Variants in VEPH1 observed in about 807,000 individuals in gnomAD.
VEPH1 encodes ventricular zone-expressed PH domain-containing protein homolog 1.
A neutral mutation model predicts 85.2 loss-of-function variants in VEPH1; 80 were observed. The ratio of observed to expected loss-of-function variants is 0.94; its 90% CI spans 0.78 to 1.13. The LOEUF (loss-of-function observed/expected upper bound fraction) is 1.13. Among genes scored for constraint, VEPH1 ranks in the 50% most tolerant of loss-of-function variants. The pLI is 0.00. For missense variants in VEPH1, 955 were observed against 980.5 expected (o/e 0.97, Z 0.35); for synonymous variants, 297 against 348.0 (o/e 0.85, Z 1.63).
At chr3:157,366,441 G>T (rs1471072537) in intron 7 of VEPH1, among the ~76,000 whole-genome samples, 1 of 151,968 alleles carries the variant, frequency 6.6e-6, no homozygotes, top group Non-Finnish European at 1.5e-5. Context: ...GAAAAAGAAA[G>T]AAAGAAAGCA....
At chr3:157,283,640 A>G (rs1258694199) in intron 12 of VEPH1, among the ~76,000 whole-genome samples, 1 of 151,522 alleles carries the variant, frequency 6.6e-6, no homozygotes, top group African/African-American at 2.4e-5. Flanking sequence ...GATACTGTCA[A>G]TTTCTGAAGG....
In VEPH1 at chr3:157,370,381, A is replaced by T. The variant is rs139659081; in HGVS notation, c.1128-5869T>A. ...CTTGGCCTACAATTCCATGTCCAGG[A>T]TATGTACTCCTGCAGAGTTAAGCTT... On this transcript the variant is annotated intron_variant, in intron 7 of 13. Transcript: ENST00000362010. Among the ~76,000 whole-genome samples the T allele has an allele frequency of 3.9e-5, 6 of 152,318 alleles. No individual in the cohort carries two copies. The East Asian group carries it at 1.2e-3, about 29-fold the overall frequency.
intron 9 of VEPH1, among the ~76,000 whole-genome samples, chr3:157,336,570 C>T (rs761532320): frequency 2.6e-5 from 4 of 152,298 alleles, no homozygotes; most frequent in South Asian, 4.1e-4. Flanking sequence ...TTCCCCTAAG[C>T]GTATACCTTT....
chr3:157,360,399 G>A (rs1482503346), intron 9 of VEPH1, among the ~76,000 whole-genome samples: 1 of 152,018 alleles, frequency 6.6e-6, no homozygotes, highest in Non-Finnish European at 1.5e-5. Flanking sequence ...GGTTATCTAG[G>A]TCATCCCTGG....
chr3:157,305,318 G>A (rs1002017095), intron 11 of VEPH1, among the ~76,000 whole-genome samples: 1 of 151,340 alleles, frequency 6.6e-6, no homozygotes, highest in Non-Finnish European at 1.5e-5. Context: ...ACCGTTTTTA[G>A]CCGGGATGGT....
chr3:157,383,910 C>A (rs373565741), intron 6 of VEPH1, among the ~76,000 whole-genome samples: 2 of 151,886 alleles, frequency 1.3e-5, no homozygotes, highest in East Asian at 1.9e-4. Context: ...GCAACATAGA[C>A]TCATTTATTA....
chr3:157,356,838 A>C (rs1201533829), intron 9 of VEPH1, among the ~76,000 whole-genome samples: 1 of 152,200 alleles, frequency 6.6e-6, no homozygotes, highest in Non-Finnish European at 1.5e-5. Flanking sequence ...CTGGATTGGA[A>C]TGTACTCTTC....
intron 5 of VEPH1, among the ~76,000 whole-genome samples, chr3:157,417,749 G>C (rs1238938938): frequency 6.6e-6 from 1 of 152,100 alleles, no homozygotes; most frequent in African/African-American, 2.4e-5. Context: ...AACAAATGCA[G>C]GACCTGACAC....
rs1376296367 is a variant in VEPH1, at chr3:157,290,243, C to CA, written c.2011-3570dup. ...TTCAAAGTCATCAGTCCTACAACTG[C>CA]AAAAAAATGATTCTTGCCAACAAAC... On this transcript the variant is annotated intron_variant, in intron 11 of 13. Transcript: ENST00000362010. Among the ~76,000 whole-genome samples, 4 of 152,010 alleles carry CA rather than the reference C, an allele frequency of 2.6e-5. 1 individual carries two copies. The highest frequency in any genetic ancestry group is 4.1e-4 in the South Asian group (2 of 4,826).
At chr3:157,477,217 C>T (rs1023441150) in intron 2 of VEPH1, among the ~76,000 whole-genome samples, 52 of 150,474 alleles carry the variant, frequency 3.5e-4, no homozygotes, top group South Asian at 2.1e-4. Context: ...TCTGTTCTAG[C>T]TTCTAGAGGC....
At chr3:157,326,570 G>C (rs1278840901) in intron 9 of VEPH1, among the ~76,000 whole-genome samples, 1 of 152,170 alleles carries the variant, frequency 6.6e-6, no homozygotes, top group Non-Finnish European at 1.5e-5. Context: ...TATGAAGAGG[G>C]TGACAGCTTG....
At chr3:157,425,938 T>G (rs1343922400) in intron 5 of VEPH1, among the ~76,000 whole-genome samples, 1 of 152,128 alleles carries the variant, frequency 6.6e-6, no homozygotes, top group Non-Finnish European at 1.5e-5. Flanking sequence ...ATGAGGGTGG[T>G]TTCTCCCATA....
intron 11 of VEPH1, among the ~76,000 whole-genome samples, chr3:157,308,576 C>G (rs1719767108): frequency 2.0e-5 from 3 of 150,666 alleles, no homozygotes; most frequent in Admixed American, 2.0e-4. Context: ...TTTTTTTGCC[C>G]CTCTCAAAAA....
chr3:157,500,943 G>A (rs1035897288), intron 1 of VEPH1, among the ~76,000 whole-genome samples: 2 of 152,106 alleles, frequency 1.3e-5, no homozygotes, highest in African/African-American at 4.8e-5. Flanking sequence ...ATGGGTTGTT[G>A]GGAGGTTTAA....
intron 6 of VEPH1, among the ~76,000 whole-genome samples, chr3:157,386,300 T>TAAC (rs1729294609): frequency 1.2e-5 from 1 of 86,382 alleles, no homozygotes; most frequent in African/African-American, 4.8e-5. Flanking sequence ...CATAGGCAAA[T>TAAC]AACACAAGGT....
intron 11 of VEPH1, among the ~76,000 whole-genome samples, chr3:157,307,094 A>G (rs1467292173): frequency 1.1e-4 from 16 of 152,046 alleles, no homozygotes; most frequent in Non-Finnish European, 1.8e-4. Flanking sequence ...TCTTGTATTT[A>G]AGCATTTTTA....
chr3:157,456,998 T>A (rs1467964752), intron 4 of VEPH1, among the ~76,000 whole-genome samples: 1 of 152,214 alleles, frequency 6.6e-6, no homozygotes, highest in Non-Finnish European at 1.5e-5. Context: ...TTTCCTCCTA[T>A]CCATGAGTAT....
At chr3:157,457,036 T>G (rs1354029394) in intron 4 of VEPH1, among the ~76,000 whole-genome samples, 1 of 152,218 alleles carries the variant, frequency 6.6e-6, no homozygotes, top group African/African-American at 2.4e-5. Flanking sequence ...GTTTGTGTCA[T>G]CTCTGACTTC....
intron 5 of VEPH1, among the ~76,000 whole-genome samples, chr3:157,414,906 T>C (rs1731784406): frequency 6.6e-6 from 1 of 152,180 alleles, no homozygotes; most frequent in Non-Finnish European, 1.5e-5. Context: ...ATTTACTTTA[T>C]TGATTTGTCA....
Sources: allele counts gnomAD v4.1 joint callset (sites outside exome capture counted in the v4.1 genomes callset), GRCh38; gene constraint gnomAD v4.1.1; transcripts MANE v1.5; gene names NCBI Gene and HGNC (gene_info 2026-07-23, HGNC 2026-07-21).